Variants in TMTC2 observed in about 807,000 individuals in gnomAD.
TMTC2 encodes transmembrane O-mannosyltransferase targeting cadherins 2.
TMTC2 carries 43 observed loss-of-function variants against 82.4 expected under a neutral mutation model. That is an observed-to-expected ratio of 0.52 (90% CI 0.41 to 0.67). The LOEUF (loss-of-function observed/expected upper bound fraction) is 0.67, where lower values mean the gene tolerates loss of function less well. TMTC2 is among the 30% of genes least tolerant of loss of function. The probability of loss-of-function intolerance (pLI) is 0.00; values close to 1 mark genes in which losing one functional copy is unlikely to be tolerated. For missense variants in TMTC2, 919 were observed against 1,012.4 expected (o/e 0.91, Z 1.25); for synonymous variants, 408 against 381.9 (o/e 1.07, Z -0.80).
intron 5 of TMTC2, 104 bp downstream of exon 5, chr12:82,965,213 GA>G: frequency 1.2e-6 from 1 of 821,144 alleles, no homozygotes; most frequent in Non-Finnish European, 2.0e-6. Context: ...TCTTATTTCT[GA>G]ATACTCGCTA....
intron 1 of TMTC2, among the ~76,000 whole-genome samples, chr12:82,812,258 A>C (rs1868441201): frequency 6.6e-6 from 1 of 152,052 alleles, no homozygotes; most frequent in Non-Finnish European, 1.5e-5. Flanking sequence ...CACTGCATGT[A>C]ATTTCAACTG....
intron 4 of TMTC2, among the ~76,000 whole-genome samples, chr12:82,944,564 CAAA>C (rs11296823): frequency 1.6e-4 from 15 of 92,840 alleles, no homozygotes; most frequent in Admixed American, 2.3e-4. Context: ...GTGACAGTCT[CAAA>C]AAAAAAAAAA....
chr12:83,068,883 C>G (rs1210326606), intron 11 of TMTC2, among the ~76,000 whole-genome samples: 1 of 152,032 alleles, frequency 6.6e-6, no homozygotes, highest in Non-Finnish European at 1.5e-5. Context: ...CACAAGTTCC[C>G]AAGGTCCATT....
intron 1 of TMTC2, among the ~76,000 whole-genome samples, chr12:82,751,942 C>T (rs924451095): frequency 9.9e-5 from 15 of 151,950 alleles, no homozygotes; most frequent in African/African-American, 2.2e-4. Flanking sequence ...CACTGCCTCT[C>T]GATCATTGTG....
chr12:82,782,742 C>T (rs12317173), intron 1 of TMTC2, among the ~76,000 whole-genome samples: 24 of 152,254 alleles, frequency 1.6e-4, no homozygotes, highest in African/African-American at 5.8e-4. Flanking sequence ...TCTACCTTTT[C>T]TAGACTAAGT....
intron 8 of TMTC2, among the ~76,000 whole-genome samples, chr12:83,018,632 A>G (rs11115525): frequency 0.012 from 1,813 of 150,532 alleles, 40 homozygotes; most frequent in African/African-American, 0.042. Context: ...GTGTCATCTT[A>G]TGCATCATAG....
chr12:82,984,977 A>T (rs960978125), intron 7 of TMTC2, among the ~76,000 whole-genome samples: 1 of 151,922 alleles, frequency 6.6e-6, no homozygotes, highest in Admixed American at 6.6e-5. Flanking sequence ...AATAATTGTC[A>T]TCTGTTTATT....
At chr12:82,729,565 G>C (rs1173375334) in intron 1 of TMTC2, among the ~76,000 whole-genome samples, 1 of 152,182 alleles carries the variant, frequency 6.6e-6, no homozygotes, top group Non-Finnish European at 1.5e-5. Flanking sequence ...GTCTCGTGGG[G>C]AAGTGGAGAA....
In TMTC2 at chr12:82,746,453, G is replaced by C. The variant is rs745483950; in HGVS notation, c.83+58784G>C. 3.7e-4 allele frequency among the ~76,000 whole-genome samples: 56 copies of C among 152,244 alleles called. 1 individual carries two copies. The highest frequency in any genetic ancestry group is 1.2e-4 in the Non-Finnish European group (8 of 68,018). ...TGGGATGCATCATATTTCAGCACTC[G>C]TGTGTATAATGGGGTACAAAGAAGA... is the stretch of plus-strand genomic sequence containing the variant. On this transcript the variant is annotated intron_variant, in intron 1 of 11. Transcript: ENST00000321196.
intron 1 of TMTC2, among the ~76,000 whole-genome samples, chr12:82,736,582 T>G (rs985679447): frequency 2.6e-5 from 4 of 152,222 alleles, no homozygotes; most frequent in Admixed American, 6.5e-5. Context: ...CTTTTTCATT[T>G]CAAACCTTTA....
chr12:82,881,744 A>G (rs978682080), intron 2 of TMTC2, among the ~76,000 whole-genome samples: 9 of 152,212 alleles, frequency 5.9e-5, no homozygotes, highest in African/African-American at 2.2e-4. Flanking sequence ...ATTAATTCCA[A>G]CTAATAAAGT....
chr12:82,808,286 A>G (rs376321332), intron 1 of TMTC2, among the ~76,000 whole-genome samples: 5 of 152,156 alleles, frequency 3.3e-5, no homozygotes, highest in South Asian at 2.1e-4. Context: ...ATTAATATAC[A>G]TGTATCTTAA....
intron 1 of TMTC2, among the ~76,000 whole-genome samples, chr12:82,843,120 TC>T (rs1246115444): frequency 2.3e-5 from 3 of 131,694 alleles, no homozygotes; most frequent in Non-Finnish European, 4.4e-5. Flanking sequence ...TTAATTTCTT[TC>T]TTTCTTTTTT....
chr12:83,098,549 T>A (rs1884107706), intron 11 of TMTC2, among the ~76,000 whole-genome samples: 1 of 152,228 alleles, frequency 6.6e-6, no homozygotes, highest in East Asian at 1.9e-4. Flanking sequence ...AAACACATGT[T>A]TTGTCAAATT....
At chr12:82,753,730 T>C (rs1051538241) in intron 1 of TMTC2, among the ~76,000 whole-genome samples, 3 of 152,240 alleles carry the variant, frequency 2.0e-5, no homozygotes, top group African/African-American at 7.2e-5. Flanking sequence ...GGAGGCCCAA[T>C]TGATTATTGT....
intron 4 of TMTC2, among the ~76,000 whole-genome samples, chr12:82,940,780 A>G (rs949326037): frequency 6.6e-6 from 1 of 151,896 alleles, no homozygotes; most frequent in African/African-American, 2.4e-5. Context: ...AGCTTAAGCA[A>G]CACTTTCTGG....
At chr12:83,054,283 A>C (rs1882455329) in intron 10 of TMTC2, among the ~76,000 whole-genome samples, 1 of 152,098 alleles carries the variant, frequency 6.6e-6, no homozygotes, top group South Asian at 2.1e-4. Flanking sequence ...CTGTGCAAAG[A>C]AATAGGTAAG....
At chr12:83,010,559 T>G (rs1049277553) in intron 8 of TMTC2, among the ~76,000 whole-genome samples, 5 of 152,168 alleles carry the variant, frequency 3.3e-5, no homozygotes, top group Non-Finnish European at 5.9e-5. Flanking sequence ...AATTTGAGAC[T>G]AATCTCCCAT....
chr12:83,115,944 T>G (rs982450133), intron 11 of TMTC2, among the ~76,000 whole-genome samples: 1 of 152,122 alleles, frequency 6.6e-6, no homozygotes, highest in Non-Finnish European at 1.5e-5. Flanking sequence ...CGTGCCACCA[T>G]GCCTGGCTAA....
Sources: allele counts gnomAD v4.1 joint callset (sites outside exome capture counted in the v4.1 genomes callset), GRCh38; gene constraint gnomAD v4.1.1; transcripts MANE v1.5; gene names NCBI Gene and HGNC (gene_info 2026-07-23, HGNC 2026-07-21).